DST: variants seen among roughly 807,000 people sequenced by gnomAD.
DST encodes the protein bullous pemphigoid antigen.
Under a neutral mutation model 875.2 loss-of-function variants are expected in DST, and 253 were observed. That is an observed-to-expected ratio of 0.29 (90% CI 0.26 to 0.32). The LOEUF (loss-of-function observed/expected upper bound fraction) is 0.32, where lower values mean the gene tolerates loss of function less well. DST is among the 10% of genes least tolerant of loss of function. The pLI is 1.00. For missense variants in DST, 8,287 were observed against 9,111.6 expected (o/e 0.91, Z 3.68); for synonymous variants, 3,124 against 3,197.1 (o/e 0.98, Z 0.77).
At chr6:56,844,244 C>T (rs2099804486) in intron 4 of DST, among the ~76,000 whole-genome samples, 1 of 152,120 alleles carries the variant, frequency 6.6e-6, no homozygotes, top group African/African-American at 2.4e-5. Flanking sequence ...GCATCAGCGC[C>T]TGACAGCCGG....
chr6:56,610,532 T>C lies in DST; in HGVS notation c.5178A>G (p.Glu1726=). 1 of 1,568,564 alleles carries C rather than the reference T, an allele frequency of 6.4e-7. No individual in the cohort carries two copies. The highest frequency in any genetic ancestry group is 8.6e-7 in the Non-Finnish European group (1 of 1,158,068). The change falls in exon 39 of 104, where the codon GAA becomes GAG. Residue 1726 remains glutamate, a synonymous_variant. Coordinates refer to ENST00000680361, the MANE Select transcript of DST (RefSeq NM_001374736.1). ...KMTDEERNEL[E]KQVKTLQESY... ...TTTCCTGAAGAGTTTTCACTTGTTTTTCCAATTCATTTCTTTCTTCATCTG... is the reference window on the plus strand; with the variant it reads ...TTTCCTGAAGAGTTTTCACTTGTTTCTCCAATTCATTTCTTTCTTCATCTG...
At position 56,597,732 on chromosome 6, in the gene DST, C is replaced by G. The variant is rs750468053; in HGVS notation, c.12195+8G>C. The stretch of plus-strand genomic sequence containing the variant: ...ATTGAACGATATCATATGTTTATAA[C>G]AACACACCTTAACTTTCTGATATTG... On this transcript the variant is annotated splice_region_variant and intron_variant, in intron 47 of 103. Coordinates refer to ENST00000680361, the MANE Select transcript of DST (RefSeq NM_001374736.1). 4 of 1,610,534 alleles carry G rather than the reference C, an allele frequency of 2.5e-6. No individual in the cohort carries two copies. The East Asian group carries it at 8.9e-5, about 36-fold the overall frequency.
chr6:56,608,441 G>C lies in DST; in HGVS notation c.6187C>G (p.Leu2063Val), dbSNP rs752019666. 5.0e-6 allele frequency: 8 copies of C among 1,613,618 alleles called. No homozygotes were observed. The Admixed American group carries it at 1.3e-4, about 27-fold the overall frequency. The change falls in exon 40 of 104, where the codon CTG (leucine) becomes GTG (valine). Residue 2063 changes from leucine to valine, a missense_variant. Around this residue, in one of 10 missense-constraint regions of DST, gnomAD observed 3,138 missense variants for 3,116.6 expected, o/e 1.01. Coordinates refer to ENST00000680361, the MANE Select transcript of DST (RefSeq NM_001374736.1). ...CCAACATAGCCTCGCTGAGCTTCCA[G>C]GACCAGAAGAGCACTGCTGGAAGTT... The part of the protein sequence containing the change: ...LITSSSALLV[L>V]EAQRGYVGLI...
chr6:56,800,314 GCTTT>G, intron 4 of DST, among the ~76,000 whole-genome samples: 1 of 152,280 alleles, frequency 6.6e-6, no homozygotes, highest in East Asian at 1.9e-4. Flanking sequence ...CTGGCAACCT[GCTTT>G]ATTTACTAAC....
At chr6:56,857,244 C>T (rs1471863015) in intron 3 of DST, among the ~76,000 whole-genome samples, 1 of 152,138 alleles carries the variant, frequency 6.6e-6, no homozygotes, top group African/African-American at 2.4e-5. Context: ...TCGCAAACTC[C>T]TGGCCTCAAG....
chr6:56,483,835 T>C (rs2095480365), intron 88 of DST: 3 of 152,144 alleles, frequency 2.0e-5, no homozygotes, highest in Admixed American at 6.5e-5. Context: ...ACAAAAGTGA[T>C]TATTTGACTG....
rs1455045748 is a variant in DST at position 56,573,662 on chromosome 6, T to C, written c.13236+17A>G. The C allele has an allele frequency of 1.3e-6, 2 of 1,585,582 alleles. No homozygotes were observed. Among genetic ancestry groups the C allele is most frequent in the African/African-American group, 2.7e-5 (2 of 74,000 alleles). On this transcript the variant is annotated intron_variant, in intron 51 of 103. Transcript: ENST00000680361. ...TTTAAAAAACTGAAAATGGGACTTT[T>C]TTTTAAAGTCACTTACAATGTTTTT...
chr6:56,936,163 G>A (rs1330575852), intron 2 of DST, among the ~76,000 whole-genome samples: 2 of 152,144 alleles, frequency 1.3e-5, no homozygotes, highest in Admixed American at 6.5e-5. Flanking sequence ...TAAATAAAAA[G>A]AGAAAAGTAA....
At chr6:56,881,109 G>A (rs139425468) in intron 3 of DST, among the ~76,000 whole-genome samples, 2,580 of 151,990 alleles carry the variant, frequency 0.017, 69 homozygotes, top group African/African-American at 0.055. Flanking sequence ...TCGGTCTCCC[G>A]AAGTGCTGGG....
chr6:56,721,413 G>A (rs761177429), intron 5 of DST, among the ~76,000 whole-genome samples: 1 of 152,246 alleles, frequency 6.6e-6, no homozygotes, highest in South Asian at 2.1e-4. Flanking sequence ...ATTGACTGGG[G>A]AAGTGATAAG....
intron 3 of DST, among the ~76,000 whole-genome samples, chr6:56,854,016 C>T (rs1159931009): frequency 2.0e-5 from 3 of 152,074 alleles, no homozygotes; most frequent in East Asian, 1.9e-4. Context: ...ATTAAAGTAT[C>T]GGATTTTTTC....
In DST at chr6:56,786,793, G is replaced by C. The variant is rs544936986; in HGVS notation, c.626-51504C>G. Among the ~76,000 whole-genome samples, 10 of 152,266 alleles carry C rather than the reference G, an allele frequency of 6.6e-5. No homozygotes were observed. The South Asian group carries it at 2.1e-3, about 32-fold the overall frequency. Reference sequence around the variant, plus strand: ...CTGCCTCAGCCTCCCAAAGTGCTGGGATTACGTGGGAATCACCACTCCCAA... The same window carrying C: ...CTGCCTCAGCCTCCCAAAGTGCTGGCATTACGTGGGAATCACCACTCCCAA... On this transcript the variant is annotated intron_variant, in intron 4 of 103. Transcript: ENST00000680361.
At chr6:56,848,944 G>A (rs1425784325) in intron 4 of DST, among the ~76,000 whole-genome samples, 1 of 139,072 alleles carries the variant, frequency 7.2e-6, no homozygotes, top group Non-Finnish European at 1.5e-5. Context: ...GGAGGCTGAG[G>A]CAGGAGAAAA....
At chr6:56,741,765 CA>C (rs1384949112) in intron 4 of DST, among the ~76,000 whole-genome samples, 2 of 152,036 alleles carry the variant, frequency 1.3e-5, no homozygotes, top group African/African-American at 4.8e-5. Flanking sequence ...GTTGCTACAG[CA>C]ACAAAAAGGG....
At chr6:56,669,377 C>G (rs2099088100) in intron 10 of DST, among the ~76,000 whole-genome samples, 1 of 150,982 alleles carries the variant, frequency 6.6e-6, no homozygotes, top group Admixed American at 6.6e-5. Flanking sequence ...GAGGGGATCA[C>G]CTGAGGTCAG....
chr6:56,776,111 G>C (rs140005501), intron 4 of DST, among the ~76,000 whole-genome samples: 27 of 152,332 alleles, frequency 1.8e-4, no homozygotes, highest in African/African-American at 6.5e-4. Flanking sequence ...CATGTGAATT[G>C]ATATGTTAAT....
intron 4 of DST, among the ~76,000 whole-genome samples, chr6:56,755,900 T>C (rs1278294764): frequency 6.6e-6 from 1 of 152,248 alleles, no homozygotes; most frequent in Non-Finnish European, 1.5e-5. Flanking sequence ...ATTGCTTTTA[T>C]TTCTGTCTCC....
intron 28 of DST, among the ~76,000 whole-genome samples, 153 bp downstream of exon 28, chr6:56,632,700 AC>A (rs1282906427): frequency 6.6e-6 from 1 of 152,152 alleles, no homozygotes. Context: ...GAGTCTTCCT[AC>A]CTCAAACATG....
chr6:56,878,724 T>C lies in DST; in HGVS notation c.417+21697A>G, dbSNP rs141164188. Among the ~76,000 whole-genome samples, 623 of 152,114 alleles carry C rather than the reference T, an allele frequency of 4.1e-3. 5 individuals are homozygous for C. Among genetic ancestry groups the C allele is most frequent in the African/African-American group, 0.015 (604 of 41,502 alleles). On this transcript the variant is annotated intron_variant, in intron 3 of 103. Coordinates refer to ENST00000680361, the MANE Select transcript of DST (RefSeq NM_001374736.1). ...CCTAATCCCCTCTCTCCTTGGCCAATCCTAGAGCAGTCAAAAACAACAACA... is the reference window on the plus strand; with the variant it reads ...CCTAATCCCCTCTCTCCTTGGCCAACCCTAGAGCAGTCAAAAACAACAACA...
Sources: allele counts gnomAD v4.1 joint callset (sites outside exome capture counted in the v4.1 genomes callset), GRCh38; gene constraint gnomAD v4.1.1; regional missense constraint gnomAD v4.1.1; transcripts MANE v1.5; gene names NCBI Gene and HGNC (gene_info 2026-07-23, HGNC 2026-07-21).